Variants in PTPRG observed in about 807,000 individuals in gnomAD.
The protein encoded by PTPRG is protein tyrosine phosphatase receptor type G.
Under a neutral mutation model 165.3 loss-of-function variants are expected in PTPRG, and 102 were observed. That is an observed-to-expected ratio of 0.62 (90% CI 0.53 to 0.73). The LOEUF is 0.73. Ranked by LOEUF, PTPRG falls within the 30% of genes least tolerant of loss-of-function variation. The pLI, the probability that PTPRG is intolerant of heterozygous loss-of-function variation, is 0.00. For missense variants in PTPRG, 1,866 were observed against 1,861.4 expected (o/e 1.00, Z -0.05); for synonymous variants, 675 against 669.5 (o/e 1.01, Z -0.13).
intron 4 of PTPRG, among the ~76,000 whole-genome samples, chr3:62,028,504 C>T (rs746231053): frequency 7.2e-5 from 11 of 152,142 alleles, no homozygotes; most frequent in South Asian, 2.1e-4. Flanking sequence ...TGAGGTATTA[C>T]GATTTCATTT....
intron 4 of PTPRG, among the ~76,000 whole-genome samples, chr3:62,052,385 A>G (rs946322546): frequency 2.0e-5 from 3 of 152,238 alleles, no homozygotes; most frequent in African/African-American, 7.2e-5. Flanking sequence ...CATGATCTAA[A>G]GAAATGCAGT....
At chr3:62,015,411 C>T (rs2041519511) in intron 4 of PTPRG, among the ~76,000 whole-genome samples, 1 of 152,188 alleles carries the variant, frequency 6.6e-6, no homozygotes. Flanking sequence ...GTGGCTTTTA[C>T]TGCAGGCAAG....
intron 1 of PTPRG, among the ~76,000 whole-genome samples, chr3:61,677,071 C>T (rs1703258684): frequency 6.6e-6 from 1 of 151,868 alleles, no homozygotes; most frequent in African/African-American, 2.4e-5. Flanking sequence ...ATGGTGAAAC[C>T]CCATCTCTAC....
At chr3:62,107,978 C>G (rs780041419) in intron 5 of PTPRG, among the ~76,000 whole-genome samples, 1 of 152,074 alleles carries the variant, frequency 6.6e-6, no homozygotes, top group Non-Finnish European at 1.5e-5. Context: ...CTCTCAGTTA[C>G]AAGTTTGCCT....
At chr3:61,948,910 T>G (rs2039829933) in intron 2 of PTPRG, among the ~76,000 whole-genome samples, 1 of 152,184 alleles carries the variant, frequency 6.6e-6, no homozygotes, top group Admixed American at 6.5e-5. Context: ...TGTCTATGAT[T>G]ATCTTTGTCA....
intron 2 of PTPRG, among the ~76,000 whole-genome samples, chr3:61,983,550 T>G (rs1489760797): frequency 2.0e-5 from 3 of 152,176 alleles, no homozygotes; most frequent in Non-Finnish European, 4.4e-5. Flanking sequence ...TTTTCATTAG[T>G]GAATAGGAAC....
At chr3:61,880,350 C>T (rs1239209945) in intron 2 of PTPRG, among the ~76,000 whole-genome samples, 2 of 152,130 alleles carry the variant, frequency 1.3e-5, no homozygotes, top group African/African-American at 4.8e-5. Flanking sequence ...TGGCTCATGC[C>T]GCACACAATG....
chr3:61,960,558 C>CT (rs934472435), intron 2 of PTPRG, among the ~76,000 whole-genome samples: 13 of 152,122 alleles, frequency 8.5e-5, no homozygotes, highest in African/African-American at 3.1e-4. Context: ...TGGGATCTGT[C>CT]TTGGGAACAA....
At chr3:62,003,718 G>A (rs1197694768) in intron 4 of PTPRG, among the ~76,000 whole-genome samples, 1 of 152,158 alleles carries the variant, frequency 6.6e-6, no homozygotes, top group Non-Finnish European at 1.5e-5. Context: ...ATCATGGTTT[G>A]AGTAGACTCA....
intron 2 of PTPRG, among the ~76,000 whole-genome samples, chr3:61,887,391 C>A (rs371198930): frequency 6.6e-6 from 1 of 151,850 alleles, no homozygotes; most frequent in Admixed American, 6.6e-5. Context: ...ATAAAGAGTC[C>A]AGCAAAACTT....
chr3:61,603,400 C>T (rs574159052), intron 1 of PTPRG, among the ~76,000 whole-genome samples: 17 of 152,304 alleles, frequency 1.1e-4, no homozygotes, highest in African/African-American at 3.9e-4. Flanking sequence ...CCCCCACTTG[C>T]TTCTGCTTTG....
rs1328210115 is a variant in PTPRG at position 62,214,603 on chromosome 3, G to C, written c.2156-4248G>C. Among the ~76,000 whole-genome samples, 1 of 152,176 alleles carries C rather than the reference G, an allele frequency of 6.6e-6. No individual in the cohort carries two copies. Among genetic ancestry groups the C allele is most frequent in the African/African-American group, 2.4e-5 (1 of 41,448 alleles). On this transcript the variant is annotated intron_variant, in intron 12 of 29. Coordinates refer to ENST00000474889, the MANE Select transcript of PTPRG (RefSeq NM_002841.4). This position sits in a 1 kb window ranked among gnomAD's most constrained non-coding sequence, Gnocchi z 5.2. ...TCAGCCCTGCCTTTGGGGACCTAGA[G>C]TAACAAAAGAGCGATTATAATTGAG...
intron 5 of PTPRG, among the ~76,000 whole-genome samples, chr3:62,120,830 C>T (rs1160922237): frequency 5.3e-5 from 8 of 151,934 alleles, no homozygotes; most frequent in Non-Finnish European, 1.5e-5. Context: ...TAGTTCAGGA[C>T]TCAAAAATGA....
intron 8 of PTPRG, among the ~76,000 whole-genome samples, chr3:62,173,478 A>G (rs189730743): frequency 1.5e-4 from 23 of 152,294 alleles, no homozygotes; most frequent in Non-Finnish European, 2.8e-4. Context: ...CCCCCACTCT[A>G]TGGAGTAGCT....
At chr3:61,870,922 A>G (rs2037552687) in intron 2 of PTPRG, among the ~76,000 whole-genome samples, 1 of 152,166 alleles carries the variant, frequency 6.6e-6, no homozygotes, top group African/African-American at 2.4e-5. Flanking sequence ...CTTAGAAATC[A>G]GCAACGGGGT....
chr3:61,991,934 T>C (rs935460796), intron 3 of PTPRG, among the ~76,000 whole-genome samples: 1 of 152,208 alleles, frequency 6.6e-6, no homozygotes, highest in South Asian at 2.1e-4. Context: ...AGAAGCTGAT[T>C]ATCAATCTGT....
intron 6 of PTPRG, among the ~76,000 whole-genome samples, chr3:62,133,277 G>A (rs541987045): frequency 6.6e-6 from 1 of 152,362 alleles, no homozygotes; most frequent in East Asian, 1.9e-4. Context: ...ATGACATCAA[G>A]ATCCTCTAAT....
intron 1 of PTPRG, among the ~76,000 whole-genome samples, chr3:61,569,074 C>A (rs1575507592): frequency 6.6e-6 from 1 of 152,094 alleles, no homozygotes; most frequent in Non-Finnish European, 1.5e-5. Flanking sequence ...AGGTAACTTA[C>A]ACATTGAATG....
intron 1 of PTPRG, among the ~76,000 whole-genome samples, chr3:61,635,021 A>G (rs1701868964): frequency 6.6e-6 from 1 of 152,204 alleles, no homozygotes; most frequent in Non-Finnish European, 1.5e-5. Flanking sequence ...GTGAGAATAT[A>G]TCTAAAGTCT....
Sources: gnomAD v4.1 joint callset for allele counts (sites outside exome capture counted in the v4.1 genomes callset) on GRCh38, gnomAD v4.1.1 for gene constraint, Gnocchi (gnomAD v3.1) non-coding constraint, MANE v1.5 for transcripts, NCBI Gene and HGNC (gene_info 2026-07-23, HGNC 2026-07-21) for gene names.